PCNX2: variants seen among roughly 807,000 people sequenced by gnomAD.
PCNX2 encodes pecanex-like protein 2.
Under a neutral mutation model 223.8 loss-of-function variants are expected in PCNX2, and 168 were observed. The observed-to-expected ratio is 0.75, with a 90% confidence interval of 0.66 to 0.85. The LOEUF (loss-of-function observed/expected upper bound fraction) is 0.85. Ranked by LOEUF, PCNX2 falls within the 40% of genes least tolerant of loss-of-function variation. The pLI, the probability that PCNX2 is intolerant of heterozygous loss-of-function variation, is 0.00. For synonymous variants in PCNX2, 1,006 were observed against 1,052.6 expected (o/e 0.96, Z 0.86); for missense variants, 2,507 against 2,675.5 (o/e 0.94, Z 1.39).
intron 1 of PCNX2, 152 bp from the exon 2 acceptor site, chr1:233,263,315 TGAG>T (rs1194449144): frequency 3.3e-6 from 1 of 304,190 alleles, no homozygotes; most frequent in Non-Finnish European, 4.8e-6. Context: ...TTAAAATACT[TGAG>T]GAGAAAGAGC....
At position 233,259,321 on chromosome 1, in the gene PCNX2, G is replaced by A. The variant is rs769387799; in HGVS notation, c.541C>T (p.Pro181Ser). Residue 181 changes from proline to serine, a missense_variant, in exon 5 of 34, where the codon CCC becomes TCC. Around this residue, in one of 3 missense-constraint regions of PCNX2, gnomAD observed 1,031 missense variants for 1,021.7 expected, o/e 1.01. Transcript: ENST00000258229. ...LKGVILLEDHPIAPVSSTSPG... is the reference protein window; with the variant it reads ...LKGVILLEDHSIAPVSSTSPG... ...GAGGTAGATGACACTGGTGCTATGGGATGGTCTTCTAATAGAATGACACCT... is the reference window on the plus strand; with the variant it reads ...GAGGTAGATGACACTGGTGCTATGGAATGGTCTTCTAATAGAATGACACCT... The A allele has an allele frequency of 5.9e-5, 95 of 1,612,820 alleles. No individual in the cohort carries two copies. Among genetic ancestry groups the A allele is most frequent in the South Asian group, 1.5e-4 (14 of 90,976 alleles).
chr1:233,116,914 AAC>A (rs1479024849), intron 21 of PCNX2, among the ~76,000 whole-genome samples: 49 of 152,168 alleles, frequency 3.2e-4, no homozygotes. Flanking sequence ...GACAAAGAAA[AAC>A]ACAAATTAAT....
intron 25 of PCNX2, among the ~76,000 whole-genome samples, chr1:233,028,654 C>G (rs747627256): frequency 6.6e-6 from 1 of 152,132 alleles, no homozygotes; most frequent in Non-Finnish European, 1.5e-5. Context: ...ATAGTTAAAA[C>G]ATCTCTTGTA....
chr1:233,018,930 C>G, intron 26 of PCNX2: 1 of 985,414 alleles, frequency 1.0e-6, no homozygotes, highest in Non-Finnish European at 1.2e-6. Context: ...TGGACGGAAA[C>G]GAAGTCTTCA....
intron 21 of PCNX2, among the ~76,000 whole-genome samples, chr1:233,096,613 T>G (rs979561058): frequency 6.6e-6 from 1 of 152,174 alleles, no homozygotes; most frequent in Non-Finnish European, 1.5e-5. Context: ...CACCAGGATT[T>G]CTCTCCCCAA....
At chr1:233,168,879 AATG>A (rs1242634183) in intron 17 of PCNX2, among the ~76,000 whole-genome samples, 1 of 152,124 alleles carries the variant, frequency 6.6e-6, no homozygotes, top group Admixed American at 6.5e-5. Flanking sequence ...TTCCAGTGCT[AATG>A]ATGTGTACAA....
chr1:233,019,827 C>T (rs539893730), intron 26 of PCNX2, among the ~76,000 whole-genome samples: 5 of 152,278 alleles, frequency 3.3e-5, no homozygotes, highest in African/African-American at 9.6e-5. Flanking sequence ...TTTCTCTTGT[C>T]TCCTTGCCGG....
chr1:233,193,162 C>T (rs1260062986), intron 15 of PCNX2, among the ~76,000 whole-genome samples: 1 of 149,972 alleles, frequency 6.7e-6, no homozygotes, highest in Non-Finnish European at 1.5e-5. Context: ...AATAACTTCT[C>T]AATAAATATT....
intron 21 of PCNX2, among the ~76,000 whole-genome samples, chr1:233,125,500 G>A (rs1010946793): frequency 6.6e-6 from 1 of 152,138 alleles, no homozygotes; most frequent in Non-Finnish European, 1.5e-5. Context: ...GTAGTCCAAT[G>A]CAGTGGCCAC....
intron 28 of PCNX2, among the ~76,000 whole-genome samples, chr1:233,002,129 CTA>C (rs1670111014): frequency 1.3e-5 from 2 of 152,050 alleles, no homozygotes; most frequent in African/African-American, 4.8e-5. Context: ...CATTCTGGGG[CTA>C]TGTCATTGGA....
chr1:233,047,828 TC>T (rs1476728694), intron 25 of PCNX2, among the ~76,000 whole-genome samples: 1 of 152,020 alleles, frequency 6.6e-6, no homozygotes, highest in Non-Finnish European at 1.5e-5. Flanking sequence ...ACAAAGAAAT[TC>T]TGGACTTAAA....
At chr1:233,317,256 A>C in the PCNX2 span, among the ~76,000 whole-genome samples, 1 of 152,268 alleles carries the variant, frequency 6.6e-6, no homozygotes, top group South Asian at 2.1e-4. Flanking sequence ...TCTACTAAAA[A>C]TACAAAAATT....
rs75947431 is a variant in PCNX2 at position 233,226,590 on chromosome 1, C to G, written c.2504+636G>C. 7.4e-3 allele frequency among the ~76,000 whole-genome samples: 1,134 copies of G among 152,268 alleles called. 9 individuals are homozygous for G. Among genetic ancestry groups the G allele is most frequent in the African/African-American group, 0.026 (1,072 of 41,546 alleles). On this transcript the variant is annotated intron_variant, in intron 10 of 33. Coordinates refer to ENST00000258229, the MANE Select transcript of PCNX2 (RefSeq NM_014801.4). Reference sequence around the variant, plus strand: ...CAGCCTCCATCATGTTTTAACTAACCTTAACTTCTCCTCCTCTTTCTCCCT... The same window carrying G: ...CAGCCTCCATCATGTTTTAACTAACGTTAACTTCTCCTCCTCTTTCTCCCT...
At chr1:233,144,574 GC>G (rs1456909236) in intron 19 of PCNX2, among the ~76,000 whole-genome samples, 1 of 152,118 alleles carries the variant, frequency 6.6e-6, no homozygotes, top group African/African-American at 2.4e-5. Flanking sequence ...TTGCCATGCT[GC>G]CCTGTGTAGA....
At chr1:233,003,100 G>T (rs1670147566) in intron 28 of PCNX2, among the ~76,000 whole-genome samples, 1 of 152,188 alleles carries the variant, frequency 6.6e-6, no homozygotes, top group East Asian at 1.9e-4. Flanking sequence ...CATGGGCAAA[G>T]ACTTCATGAC....
intron 10 of PCNX2, among the ~76,000 whole-genome samples, chr1:233,226,917 A>G (rs1050406003): frequency 6.6e-6 from 1 of 152,192 alleles, no homozygotes; most frequent in Non-Finnish European, 1.5e-5. Context: ...TACTGTGCCC[A>G]AACAAACCTT....
intron 23 of PCNX2, among the ~76,000 whole-genome samples, chr1:233,071,955 G>C (rs969566613): frequency 4.6e-5 from 7 of 152,190 alleles, no homozygotes; most frequent in African/African-American, 1.7e-4. Flanking sequence ...CTTTTGAAAA[G>C]TGTCTGTTCA....
chr1:233,067,781 A>C (rs1010704887), intron 23 of PCNX2, among the ~76,000 whole-genome samples: 5 of 152,166 alleles, frequency 3.3e-5, no homozygotes, highest in African/African-American at 1.2e-4. Flanking sequence ...CCAATAACTA[A>C]AATTTTAAAA....
At chr1:233,183,922 T>C (rs1013527583) in intron 15 of PCNX2, among the ~76,000 whole-genome samples, 1 of 152,222 alleles carries the variant, frequency 6.6e-6, no homozygotes, top group Admixed American at 6.5e-5. Context: ...GCAGGGCAGA[T>C]AGGGCTGGCT....
Sources: gnomAD v4.1 joint callset for allele counts (sites outside exome capture counted in the v4.1 genomes callset) on GRCh38, gnomAD v4.1.1 for gene constraint, gnomAD v4.1.1 regional missense constraint, MANE v1.5 for transcripts, NCBI Gene and HGNC (gene_info 2026-07-23, HGNC 2026-07-21) for gene names.